The following DCLK1 variants were observed in gnomAD, a reference collection of about 807,000 sequenced individuals.
DCLK1 encodes the protein doublecortin like kinase 1.
DCLK1 carries 16 observed loss-of-function variants against 86.2 expected under a neutral mutation model. That is an observed-to-expected ratio of 0.19 (90% confidence interval 0.13 to 0.28). The LOEUF (loss-of-function observed/expected upper bound fraction) is 0.28, where lower values mean the gene tolerates loss of function less well. Among genes scored for constraint, DCLK1 ranks in the 10% least tolerant of loss-of-function variants. The probability of loss-of-function intolerance (pLI) is 1.00; values close to 1 mark genes in which losing one functional copy is unlikely to be tolerated. For missense variants in DCLK1, 590 were observed against 940.2 expected (o/e 0.63, Z 4.87); for synonymous variants, 369 against 370.5 (o/e 1.00, Z 0.05).
At chr13:35,847,733 A>C (rs1428390107) in intron 6 of DCLK1, 1 of 985,056 alleles carries the variant, frequency 1.0e-6, no homozygotes, top group African/African-American at 1.7e-5. Context: ...GTATATATAT[A>C]TATAGTACAT....
chr13:35,885,326 T>C (rs1400806514), intron 4 of DCLK1, among the ~76,000 whole-genome samples: 1 of 152,070 alleles, frequency 6.6e-6, no homozygotes. Flanking sequence ...AATTCTCCCT[T>C]CAGACTATAC....
intron 3 of DCLK1, among the ~76,000 whole-genome samples, chr13:36,078,098 C>A (rs1270688442): frequency 6.6e-6 from 1 of 152,092 alleles, no homozygotes; most frequent in Admixed American, 6.5e-5. Flanking sequence ...GAGGGTGGAG[C>A]CCCCATCATG....
intron 4 of DCLK1, among the ~76,000 whole-genome samples, chr13:35,888,179 AC>A (rs1200464524): frequency 6.6e-6 from 1 of 152,114 alleles, no homozygotes; most frequent in African/African-American, 2.4e-5. Flanking sequence ...TTCTCTAATT[AC>A]TTGACTTTCC....
In DCLK1 at chr13:35,983,659, C is replaced by A. The variant is rs117020350; in HGVS notation, c.724-36202G>T. Among the ~76,000 whole-genome samples the A allele has an allele frequency of 8.4e-3, 1,274 of 152,298 alleles. 26 individuals are homozygous for A. The highest frequency in any genetic ancestry group is 0.054 in the Admixed American group (822 of 15,300). ...AGGATAATGCTTAAGGGAATGGATA[C>A]CCCATTCTCCATGATGTAATCACTT... is the stretch of plus-strand genomic sequence containing the variant. On this transcript the variant is annotated intron_variant, in intron 3 of 16. Transcript: ENST00000360631.
chr13:36,108,822 A>G (rs1402014399), intron 3 of DCLK1, among the ~76,000 whole-genome samples: 1 of 152,200 alleles, frequency 6.6e-6, no homozygotes, highest in African/African-American at 2.4e-5. Flanking sequence ...AGGTGGGACA[A>G]GTAATCTTAG....
chr13:35,920,407 C>T (rs1032161854), intron 4 of DCLK1, among the ~76,000 whole-genome samples: 8 of 152,260 alleles, frequency 5.3e-5, no homozygotes, highest in East Asian at 1.9e-4. Flanking sequence ...GAGAAGATAA[C>T]GAGAAAGCTC....
intron 3 of DCLK1, among the ~76,000 whole-genome samples, chr13:36,091,763 G>A (rs1884835364): frequency 6.6e-6 from 1 of 152,168 alleles, no homozygotes; most frequent in African/African-American, 2.4e-5. Context: ...GCTGCTGTGT[G>A]TCTTGTTCAT....
At chr13:35,902,412 C>T (rs1566594322) in intron 4 of DCLK1, among the ~76,000 whole-genome samples, 1 of 152,196 alleles carries the variant, frequency 6.6e-6, no homozygotes, top group Non-Finnish European at 1.5e-5. Context: ...CTCCAGAGAC[C>T]CACCTCAAAT....
At chr13:36,086,000 C>T (rs1405837028) in intron 3 of DCLK1, among the ~76,000 whole-genome samples, 2 of 152,168 alleles carry the variant, frequency 1.3e-5, no homozygotes, top group Non-Finnish European at 2.9e-5. Context: ...AAAAGTCTCT[C>T]CACAAACCAA....
intron 3 of DCLK1, among the ~76,000 whole-genome samples, chr13:36,030,329 T>A (rs1482997601): frequency 6.6e-6 from 1 of 152,086 alleles, no homozygotes; most frequent in Non-Finnish European, 1.5e-5. Flanking sequence ...GGAGTTTTGC[T>A]CTTGTTGCCC....
At chr13:36,092,244 A>G (rs539023926) in intron 3 of DCLK1, among the ~76,000 whole-genome samples, 19 of 152,006 alleles carry the variant, frequency 1.2e-4, no homozygotes, top group Non-Finnish European at 2.6e-4. Context: ...CACATATTAT[A>G]TAACCCTTCT....
chr13:36,124,839 G>GA (rs953455235), intron 2 of DCLK1, among the ~76,000 whole-genome samples: 25 of 152,244 alleles, frequency 1.6e-4, no homozygotes, highest in African/African-American at 5.8e-4. Context: ...CTCAATTTCA[G>GA]AAAAATCAAC....
In DCLK1 at chr13:35,770,401, AT is replaced by A. The variant is rs1211221455; in HGVS notation, c.*4133del. Reference sequence around the variant, plus strand: ...AATTTTGGAAGTGCTTTTAATCACTATTTTCCCCAACAGACTAGAATGGCTC... The same window carrying A: ...AATTTTGGAAGTGCTTTTAATCACTATTTCCCCAACAGACTAGAATGGCTC... On this transcript the variant is annotated 3_prime_UTR_variant, in exon 17 of 17. Transcript: ENST00000360631. 6.6e-6 allele frequency: 1 copy of A among 152,186 alleles called. No homozygotes were observed. Among genetic ancestry groups the A allele is most frequent in the Non-Finnish European group, 1.5e-5 (1 of 68,026 alleles). 9.4% of individuals were successfully genotyped at this position (152,186 alleles called of 1,614,324 possible).
rs1304828842 is a variant in DCLK1, at chr13:36,126,045, C to G, written c.93G>C (p.Pro31=). The G allele has an allele frequency of 6.2e-7, 1 of 1,613,576 alleles. No individual in the cohort carries two copies. The highest frequency in any genetic ancestry group is 1.3e-5 in the African/African-American group (1 of 75,036). ...YSRGSRVNGL[P]SPTHSAHCSF... ...TGCAGTGGGCGCTGTGCGTCGGGCT[C>G]GGCAGGCCGTTCACCCGCGACCCTC... The change falls in exon 2 of 17, where the codon CCG becomes CCC. Residue 31 remains proline, a synonymous_variant. Transcript: ENST00000360631.
intron 3 of DCLK1, among the ~76,000 whole-genome samples, chr13:36,026,473 T>C (rs920986996): frequency 6.6e-6 from 1 of 152,210 alleles, no homozygotes; most frequent in Non-Finnish European, 1.5e-5. Flanking sequence ...CAATTCTTCA[T>C]TAGCAGATCC....
chr13:35,980,409 C>T (rs764235607), intron 3 of DCLK1, among the ~76,000 whole-genome samples: 3 of 152,104 alleles, frequency 2.0e-5, no homozygotes, highest in African/African-American at 7.2e-5. Flanking sequence ...GAGCAGAGAT[C>T]GACCACTGCA....
At chr13:35,936,386 C>A (rs1261430051) in intron 4 of DCLK1, among the ~76,000 whole-genome samples, 1 of 152,166 alleles carries the variant, frequency 6.6e-6, no homozygotes, top group Non-Finnish European at 1.5e-5. Flanking sequence ...TGAGACAGAT[C>A]CTATTCCAGA....
intron 15 of DCLK1, 124 bp from the exon 16 acceptor site, chr13:35,793,603 C>T: frequency 1.6e-6 from 1 of 637,610 alleles, no homozygotes; most frequent in South Asian, 2.2e-5. Flanking sequence ...AATAAACCAA[C>T]CAATGTCTAC....
chr13:35,995,456 C>A, intron 3 of DCLK1, among the ~76,000 whole-genome samples: 1 of 152,194 alleles, frequency 6.6e-6, no homozygotes, highest in East Asian at 1.9e-4. Context: ...GGAAACCAAT[C>A]TGGTAGTTTT....
Sources: allele counts gnomAD v4.1 joint callset (sites outside exome capture counted in the v4.1 genomes callset), GRCh38; gene constraint gnomAD v4.1.1; transcripts MANE v1.5; gene names NCBI Gene and HGNC (gene_info 2026-07-23, HGNC 2026-07-21).